The following ABAT variants were observed in gnomAD, a reference collection of about 807,000 sequenced individuals.
The protein encoded by ABAT is 4-aminobutyrate aminotransferase, mitochondrial.
A neutral mutation model predicts 64.6 loss-of-function variants in ABAT; 45 were observed. The ratio of observed to expected loss-of-function variants is 0.70; its 90% confidence interval spans 0.55 to 0.89. The LOEUF is 0.89. ABAT is among the 40% of genes least tolerant of loss of function. The pLI is 0.00. For synonymous variants in ABAT, 297 were observed against 250.5 expected (o/e 1.19, Z -1.75); for missense variants, 633 against 658.4 (o/e 0.96, Z 0.42).
intron 11 of ABAT, among the ~76,000 whole-genome samples, 189 bp downstream of exon 11, chr16:8,769,162 A>G (rs2060030073): frequency 6.6e-6 from 1 of 152,188 alleles, no homozygotes; most frequent in South Asian, 2.1e-4. Flanking sequence ...CGTGAGACAC[A>G]CTGTTTCTGT....
At chr16:8,743,833 G>C (rs1391543797) in intron 2 of ABAT, among the ~76,000 whole-genome samples, 1 of 151,916 alleles carries the variant, frequency 6.6e-6, no homozygotes, top group Non-Finnish European at 1.5e-5. Context: ...ACCCCAGTAA[G>C]AGGAACTAAC....
At position 8,690,032 on chromosome 16, in the gene ABAT, G is replaced by A. The variant is rs371936522; in HGVS notation, c.-42+15321G>A. Among the ~76,000 whole-genome samples the A allele has an allele frequency of 3.3e-5, 5 of 152,182 alleles. No individual in the cohort carries two copies. In the East Asian group the frequency reaches 7.7e-4, roughly 23 times the overall value. ...TCCAAGAGCCTTTTCAGCACAACTAGGGTTGCTTCTTGGCAGGAGAAGAAT... is the reference window on the plus strand; with the variant it reads ...TCCAAGAGCCTTTTCAGCACAACTAAGGTTGCTTCTTGGCAGGAGAAGAAT... On this transcript the variant is annotated intron_variant, in intron 1 of 15. Coordinates refer to ENST00000268251, the MANE Select transcript of ABAT (RefSeq NM_020686.6).
chr16:8,713,999 C>T (rs886416630), intron 1 of ABAT: 1 of 437,580 alleles, frequency 2.3e-6, no homozygotes, highest in African/African-American at 2.0e-5. Flanking sequence ...CGGGGGGGCA[C>T]ACACCCTTGT....
At position 8,776,596 on chromosome 16, in the gene ABAT, C is replaced by T. The variant is rs62031112; in HGVS notation, c.1269+106C>T. 0.011 allele frequency: 13,595 copies of T among 1,231,462 alleles called. 90 individuals are homozygous for T. Among genetic ancestry groups the T allele is most frequent in the South Asian group, 0.017 (1,312 of 77,074 alleles). 76.3% of individuals were successfully genotyped at this position (1,231,462 alleles called of 1,614,324 possible). On this transcript the variant is annotated intron_variant, in intron 14 of 15. Coordinates refer to ENST00000268251, the MANE Select transcript of ABAT (RefSeq NM_020686.6). The surrounding 1 kb of genome is among the most constrained non-coding windows in gnomAD (Gnocchi z 4.4). ...CATGGTGTTGTGCCTGCTGTTCCAG[C>T]AGTTCGTAACGGGCTGTGCTGCTCC...
chr16:8,731,887 C>T (rs576474845), intron 1 of ABAT, among the ~76,000 whole-genome samples: 67 of 152,014 alleles, frequency 4.4e-4, no homozygotes, highest in African/African-American at 1.6e-3. Flanking sequence ...AGAGTCTCGC[C>T]CTGTCGCCCA....
intron 14 of ABAT, among the ~76,000 whole-genome samples, chr16:8,777,296 C>T (rs765046409): frequency 6.6e-6 from 1 of 151,946 alleles, no homozygotes; most frequent in Admixed American, 6.6e-5. Flanking sequence ...TCATTATTCC[C>T]GCCTTTGTGC....
In ABAT at chr16:8,781,258, G is replaced by C; in HGVS notation, c.1382-51G>C. 1 of 1,613,190 alleles carries C rather than the reference G, an allele frequency of 6.2e-7. No individual in the cohort carries two copies. The highest frequency in any genetic ancestry group is 8.5e-7 in the Non-Finnish European group (1 of 1,179,802). On this transcript the variant is annotated intron_variant, in intron 15 of 15. Transcript: ENST00000268251. This position sits in a 1 kb window ranked among gnomAD's most constrained non-coding sequence, Gnocchi z 4.5. ...CATCACTTTCCCCCCAGCTCTCCCAGCATGTGACTTTGAGAAACCACGCTC... is the reference window on the plus strand; with the variant it reads ...CATCACTTTCCCCCCAGCTCTCCCACCATGTGACTTTGAGAAACCACGCTC...
intron 1 of ABAT, among the ~76,000 whole-genome samples, chr16:8,685,645 C>G (rs1226696860): frequency 6.6e-6 from 1 of 152,166 alleles, no homozygotes; most frequent in Non-Finnish European, 1.5e-5. Context: ...CACTGCACTC[C>G]AGCCTGGGCA....
At chr16:8,738,476 G>GTGTGTACAAATCATCT (rs1267055183) in intron 2 of ABAT, 3 of 455,616 alleles carry the variant, frequency 6.6e-6, no homozygotes, top group South Asian at 4.6e-5. Flanking sequence ...GCATTGATTT[G>GTGTGTACAAATCATCT]TCTCATCTTC....
intron 1 of ABAT, chr16:8,715,454 CA>C (rs1567281704): frequency 6.6e-6 from 1 of 151,530 alleles, no homozygotes; most frequent in Non-Finnish European, 1.5e-5. Flanking sequence ...CCCATCTCTA[CA>C]AAAAATAAAT....
intron 1 of ABAT, among the ~76,000 whole-genome samples, chr16:8,684,337 C>G (rs2057403621): frequency 6.6e-6 from 1 of 152,144 alleles, no homozygotes; most frequent in African/African-American, 2.4e-5. Flanking sequence ...CTTTGAGAGG[C>G]CGAGGTGGGT....
intron 1 of ABAT, among the ~76,000 whole-genome samples, chr16:8,682,298 GAC>G (rs1434311257): frequency 2.0e-5 from 3 of 151,860 alleles, no homozygotes; most frequent in African/African-American, 7.3e-5. Context: ...TGGATGGACA[GAC>G]ACAACCCCTT....
chr16:8,697,825 AG>A (rs939306958), intron 1 of ABAT, among the ~76,000 whole-genome samples: 21 of 151,900 alleles, frequency 1.4e-4, no homozygotes, highest in African/African-American at 5.1e-4. Flanking sequence ...TTAGTAGAGA[AG>A]GGGTTTCACC....
At chr16:8,762,357 G>T (rs1207659320) in intron 6 of ABAT, among the ~76,000 whole-genome samples, 1 of 152,200 alleles carries the variant, frequency 6.6e-6, no homozygotes, top group Non-Finnish European at 1.5e-5. Flanking sequence ...CTTTGAGACT[G>T]AACTCCTGCA....
intron 1 of ABAT, among the ~76,000 whole-genome samples, chr16:8,704,148 T>G (rs1269409521): frequency 6.6e-6 from 1 of 152,206 alleles, no homozygotes; most frequent in Non-Finnish European, 1.5e-5. Flanking sequence ...ACTTTCAACT[T>G]TAAGTATTTC....
chr16:8,737,961 G>A (rs369477414), intron 2 of ABAT, among the ~76,000 whole-genome samples: 3 of 4,720 alleles, frequency 6.4e-4, no homozygotes, highest in Non-Finnish European at 8.9e-4. Flanking sequence ...AGGAAGGAAG[G>A]AAGGAAGGAA....
chr16:8,724,752 AAAAAAAAAAAAAAAAAAC>A (rs1567286782), intron 1 of ABAT, among the ~76,000 whole-genome samples: 39 of 103,840 alleles, frequency 3.8e-4, no homozygotes, highest in African/African-American at 1.6e-3. Flanking sequence ...AAAACAAAAA[AAAAAAAAAAAAAAAAAAC>A]AATGGCAATC....
rs2059444012 is a variant in ABAT at position 8,750,357 on chromosome 16, A to C, written c.199-65A>C. Reference sequence around the variant, plus strand: ...TGGTGTACTTCACTGATTCAAGCTTAATCCTAAAAGCCCAAGAATCTAGGG... The same window carrying C: ...TGGTGTACTTCACTGATTCAAGCTTCATCCTAAAAGCCCAAGAATCTAGGG... On this transcript the variant is annotated intron_variant, in intron 4 of 15. Coordinates refer to ENST00000268251, the MANE Select transcript of ABAT (RefSeq NM_020686.6). 2.9e-6 allele frequency: 4 copies of C among 1,359,270 alleles called. No individual in the cohort carries two copies. The Admixed American group carries it at 5.0e-5, about 17-fold the overall frequency. The allele number at this position is 1,359,270 out of a possible 1,614,324, so 84.2% of individuals were successfully genotyped here. A position where few individuals can be genotyped will look rare whatever the true frequency, so the allele number is the denominator to read the frequency against.
chr16:8,699,179 G>A (rs2057765961), intron 1 of ABAT, among the ~76,000 whole-genome samples: 1 of 152,198 alleles, frequency 6.6e-6, no homozygotes, highest in South Asian at 2.1e-4. Flanking sequence ...TGTGGGAAGA[G>A]ATAGATGCCA....
Sources: gnomAD v4.1 joint callset for allele counts (sites outside exome capture counted in the v4.1 genomes callset) on GRCh38, gnomAD v4.1.1 for gene constraint, Gnocchi (gnomAD v3.1) non-coding constraint, MANE v1.5 for transcripts, NCBI Gene and HGNC (gene_info 2026-07-23, HGNC 2026-07-21) for gene names.